SCFD2: variants seen among roughly 807,000 people sequenced by gnomAD.
SCFD2 encodes sec1 family domain-containing protein 2.
Under a neutral mutation model 58.9 loss-of-function variants are expected in SCFD2, and 54 were observed. The ratio of observed to expected loss-of-function variants is 0.92; its 90% CI spans 0.74 to 1.15. The LOEUF (loss-of-function observed/expected upper bound fraction) is 1.15, where lower values mean the gene tolerates loss of function less well. SCFD2 is among the 50% of genes most tolerant of loss of function. The probability of loss-of-function intolerance (pLI) is 0.00; values close to 1 mark genes in which losing one functional copy is unlikely to be tolerated. For synonymous variants in SCFD2, 321 were observed against 335.9 expected (o/e 0.96, Z 0.49); for missense variants, 805 against 836.6 (o/e 0.96, Z 0.47).
At chr4:53,226,966 C>T (rs1729236512) in intron 4 of SCFD2, among the ~76,000 whole-genome samples, 1 of 152,146 alleles carries the variant, frequency 6.6e-6, no homozygotes, top group Non-Finnish European at 1.5e-5. Context: ...AAAAGGTATC[C>T]CTAATGAGGT....
At chr4:52,999,155 C>T (rs1359625392) in intron 5 of SCFD2, among the ~76,000 whole-genome samples, 1 of 152,132 alleles carries the variant, frequency 6.6e-6, no homozygotes, top group African/African-American at 2.4e-5. Context: ...TCCCTGGGCA[C>T]CTGCTTTAAC....
Position 52,907,638 on chromosome 4 carries a change from G to T in SCFD2, c.1708-47C>A, listed in dbSNP as rs184251277. On this transcript the variant is annotated intron_variant, in intron 6 of 8. Transcript: ENST00000401642. ...AGTAAAGGGATTGTTTGGTTTGTCT[G>T]GAGAGAGGACAGCTTTATCTGCAAT... The T allele has an allele frequency of 3.5e-4, 555 of 1,597,534 alleles. 3 individuals carry two copies. In the South Asian group the frequency reaches 3.8e-3, roughly 11 times the overall value.
intron 4 of SCFD2, among the ~76,000 whole-genome samples, chr4:53,229,229 C>G (rs1254858266): frequency 1.3e-5 from 2 of 152,208 alleles, no homozygotes; most frequent in Non-Finnish European, 2.9e-5. Flanking sequence ...CCATCCCCAT[C>G]AAGCTACCAA....
At chr4:53,163,153 G>C (rs1372710770) in intron 4 of SCFD2, among the ~76,000 whole-genome samples, 3 of 152,166 alleles carry the variant, frequency 2.0e-5, no homozygotes, top group African/African-American at 7.2e-5. Context: ...CCAGCCAGAA[G>C]CTCTGCAGGT....
At position 53,365,912 on chromosome 4, in the gene SCFD2, G is replaced by A; in HGVS notation, c.30C>T (p.Thr10=). The A allele has an allele frequency of 6.4e-7, 1 of 1,574,448 alleles. No individual in the cohort carries two copies. ...CCAGCACCTGCTCCCATCCTTGCTGGGTAAAGGACAGTACGCCCGAGGCGC... is the reference window on the plus strand; with the variant it reads ...CCAGCACCTGCTCCCATCCTTGCTGAGTAAAGGACAGTACGCCCGAGGCGC... MSASGVLSF[T]QQGWEQVLAK... Residue 10 remains threonine (T), a synonymous_variant, in exon 1 of 9, where the codon ACC becomes ACT. Transcript: ENST00000401642. The surrounding 1 kb of genome is among the most constrained non-coding windows in gnomAD (Gnocchi z 4.3).
chr4:53,141,944 TC>T (rs1423849336), intron 5 of SCFD2, among the ~76,000 whole-genome samples: 2 of 151,958 alleles, frequency 1.3e-5, no homozygotes, highest in African/African-American at 4.8e-5. Flanking sequence ...GGGTTGATCT[TC>T]CCCACCAAAT....
At chr4:53,123,643 C>G (rs1395714822) in intron 5 of SCFD2, among the ~76,000 whole-genome samples, 3 of 152,108 alleles carry the variant, frequency 2.0e-5, no homozygotes, top group Non-Finnish European at 4.4e-5. Flanking sequence ...TCAACTGATC[C>G]CCTCCAAGTA....
intron 5 of SCFD2, among the ~76,000 whole-genome samples, chr4:53,020,889 G>A (rs1447153310): frequency 3.3e-5 from 5 of 152,096 alleles, no homozygotes; most frequent in African/African-American, 1.2e-4. Flanking sequence ...GGTGTGAAGG[G>A]TCTTAATGCT....
In SCFD2 at chr4:52,916,561, G is replaced by A. The variant is rs573502470; in HGVS notation, c.1707+4164C>T. 5.9e-5 allele frequency among the ~76,000 whole-genome samples: 9 copies of A among 152,324 alleles called. No homozygotes were observed. In the East Asian group the frequency reaches 1.4e-3, roughly 23 times the overall value. On this transcript the variant is annotated intron_variant, in intron 6 of 8. Transcript: ENST00000401642. Reference sequence around the variant, plus strand: ...TGCACTCCAGCTTCTGCGACAGAGTGAGACTCTGTCTCAAAAACAAAACAA... The same window carrying A: ...TGCACTCCAGCTTCTGCGACAGAGTAAGACTCTGTCTCAAAAACAAAACAA...
At chr4:52,952,787 A>G (rs1720630671) in intron 5 of SCFD2, among the ~76,000 whole-genome samples, 1 of 152,174 alleles carries the variant, frequency 6.6e-6, no homozygotes, top group African/African-American at 2.4e-5. Flanking sequence ...CATTAGAAAA[A>G]TGATGATCCT....
intron 4 of SCFD2, among the ~76,000 whole-genome samples, chr4:53,190,979 A>G (rs1017773170): frequency 6.6e-6 from 1 of 152,218 alleles, no homozygotes; most frequent in African/African-American, 2.4e-5. Flanking sequence ...ATGTGTTATC[A>G]CAAAAAACTA....
At chr4:53,185,609 T>G (rs1727713715) in intron 4 of SCFD2, among the ~76,000 whole-genome samples, 2 of 152,014 alleles carry the variant, frequency 1.3e-5, no homozygotes, top group Admixed American at 1.3e-4. Flanking sequence ...TTTTTAAAAC[T>G]CTTTTTATTA....
chr4:53,279,870 C>G (rs1020756984), intron 3 of SCFD2, among the ~76,000 whole-genome samples: 22 of 152,174 alleles, frequency 1.4e-4, no homozygotes, highest in African/African-American at 5.3e-4. Context: ...ATAAAACCAT[C>G]ATGTCTTGTG....
At chr4:53,360,772 A>G (rs1412453535) in intron 1 of SCFD2, among the ~76,000 whole-genome samples, 1 of 152,186 alleles carries the variant, frequency 6.6e-6, no homozygotes, top group African/African-American at 2.4e-5. Context: ...ATAATTTTTA[A>G]TGTATTTGAG....
chr4:53,018,866 G>A (rs771879496), intron 5 of SCFD2, among the ~76,000 whole-genome samples: 7 of 152,130 alleles, frequency 4.6e-5, no homozygotes, highest in Non-Finnish European at 7.4e-5. Context: ...CCATAATAAG[G>A]TTTGTTGTGA....
At chr4:52,900,761 G>A (rs898828377) in intron 7 of SCFD2, among the ~76,000 whole-genome samples, 6 of 152,358 alleles carry the variant, frequency 3.9e-5, no homozygotes, top group South Asian at 2.1e-4. Flanking sequence ...GAGGCAGGCA[G>A]GCCTCCTTGA....
At chr4:53,050,296 A>C (rs971802536) in intron 5 of SCFD2, among the ~76,000 whole-genome samples, 2 of 152,218 alleles carry the variant, frequency 1.3e-5, no homozygotes, top group Admixed American at 6.5e-5. Context: ...ATGGCACAAA[A>C]GGCAGTCATG....
chr4:53,153,006 G>A lies in SCFD2; in HGVS notation c.1312-7424C>T, dbSNP rs959817682. 7.2e-5 allele frequency among the ~76,000 whole-genome samples: 11 copies of A among 152,348 alleles called. No individual in the cohort carries two copies. In the Middle Eastern group the frequency reaches 0.01, roughly 141 times the overall value. On this transcript the variant is annotated intron_variant, in intron 4 of 8. Transcript: ENST00000401642. Reference sequence around the variant, plus strand: ...AGCCCTGCCCCTGTGGCTTTGAAGGGTGCAACCATGAAGGTTGCTGTCATG... The same window carrying A: ...AGCCCTGCCCCTGTGGCTTTGAAGGATGCAACCATGAAGGTTGCTGTCATG...
intron 5 of SCFD2, among the ~76,000 whole-genome samples, chr4:53,094,971 G>C (rs889182108): frequency 6.6e-6 from 1 of 152,072 alleles, no homozygotes; most frequent in Non-Finnish European, 1.5e-5. Flanking sequence ...TGTCCTGTTA[G>C]CATTACTGAT....
Sources: gnomAD v4.1 joint callset for allele counts (sites outside exome capture counted in the v4.1 genomes callset) on GRCh38, gnomAD v4.1.1 for gene constraint, Gnocchi (gnomAD v3.1) non-coding constraint, MANE v1.5 for transcripts, NCBI Gene and HGNC (gene_info 2026-07-23, HGNC 2026-07-21) for gene names.